The following ARB2A variants were observed in gnomAD, a reference collection of about 807,000 sequenced individuals.
The protein encoded by ARB2A is ARB2 cotranscriptional regulator A, also known as cotranscriptional regulator ARB2A.
At chr5:94,025,856 C>A in the ARB2A span, among the ~76,000 whole-genome samples, 1 of 152,186 alleles carries the variant, frequency 6.6e-6, no homozygotes, top group African/African-American at 2.4e-5. Flanking sequence ...AGGTACACCA[C>A]AGAAGATGCT....
At chr5:93,975,185 G>A in the ARB2A span, among the ~76,000 whole-genome samples, 2 of 151,532 alleles carry the variant, frequency 1.3e-5, no homozygotes, top group African/African-American at 2.4e-5. Flanking sequence ...GCATGGTAGC[G>A]AGCACCTTGT....
chr5:93,633,553 A>C, the ARB2A span, among the ~76,000 whole-genome samples: 1 of 152,216 alleles, frequency 6.6e-6, no homozygotes. Context: ...TTCCATTGAC[A>C]TTCCTTAAGC....
At chr5:93,754,937 AC>A in the ARB2A span, among the ~76,000 whole-genome samples, 1 of 152,224 alleles carries the variant, frequency 6.6e-6, no homozygotes, top group Non-Finnish European at 1.5e-5. Context: ...GGCCCAGAGA[AC>A]ATAGGAAAGC....
At chr5:93,872,299 G>C in the ARB2A span, among the ~76,000 whole-genome samples, 1 of 152,098 alleles carries the variant, frequency 6.6e-6, no homozygotes, top group Non-Finnish European at 1.5e-5. Flanking sequence ...CCTTATAAAA[G>C]TCTAACAGAT....
the ARB2A span, among the ~76,000 whole-genome samples, chr5:93,809,934 G>A: frequency 2.6e-5 from 4 of 151,806 alleles, no homozygotes; most frequent in East Asian, 3.9e-4. Flanking sequence ...GAATATTATC[G>A]TCTAATATTT....
At chr5:93,920,789 G>T in the ARB2A span, among the ~76,000 whole-genome samples, 1 of 152,130 alleles carries the variant, frequency 6.6e-6, no homozygotes, top group East Asian at 1.9e-4. Flanking sequence ...CTGCAGTGCT[G>T]TAATAATTTC....
the ARB2A span, among the ~76,000 whole-genome samples, chr5:93,639,209 G>A: frequency 2.0e-5 from 3 of 152,010 alleles, no homozygotes; most frequent in South Asian, 2.1e-4. Context: ...AATGTCCTTC[G>A]GTTGCTGACT....
the ARB2A span, among the ~76,000 whole-genome samples, chr5:93,942,411 T>A: frequency 1.3e-5 from 2 of 152,258 alleles, no homozygotes; most frequent in African/African-American, 4.8e-5. Context: ...ATTAGTGATC[T>A]TGGTTTCAAC....
the ARB2A span, chr5:93,781,854 T>TA: frequency 1.0e-6 from 1 of 984,588 alleles, no homozygotes; most frequent in South Asian, 4.7e-5. Flanking sequence ...TAAACATACT[T>TA]ACAAAACAAA....
the ARB2A span, chr5:93,865,587 C>T: frequency 1.7e-5 from 17 of 985,306 alleles, no homozygotes; most frequent in Admixed American, 6.1e-5. Flanking sequence ...AAAAAGCATA[C>T]GGAAACAATT....
the ARB2A span, among the ~76,000 whole-genome samples, chr5:93,985,740 G>A: frequency 6.6e-6 from 1 of 152,296 alleles, no homozygotes; most frequent in African/African-American, 2.4e-5. Flanking sequence ...TGTTGCCCAG[G>A]CTGGAGTGCA....
At chr5:93,683,047 T>C in the ARB2A span, 1 of 1,562,168 alleles carries the variant, frequency 6.4e-7, no homozygotes, top group Non-Finnish European at 8.7e-7. Context: ...TGAAGGATTC[T>C]TGTCCTTTTG....
the ARB2A span, among the ~76,000 whole-genome samples, chr5:94,100,689 A>G: frequency 6.6e-6 from 1 of 152,224 alleles, no homozygotes; most frequent in African/African-American, 2.4e-5. Context: ...CCAAGGGGAA[A>G]AGACTCCCTA....
chr5:93,622,128 T>C, the ARB2A span, among the ~76,000 whole-genome samples: 5 of 152,362 alleles, frequency 3.3e-5, no homozygotes, highest in South Asian at 1.0e-3. Context: ...TGACTCCCTG[T>C]GATGGCTTAT....
chr5:94,018,303 C>T, the ARB2A span, among the ~76,000 whole-genome samples: 2 of 152,160 alleles, frequency 1.3e-5, no homozygotes, highest in Non-Finnish European at 2.9e-5. Context: ...CTTACAAATG[C>T]CTTTTTCTTG....
the ARB2A span, chr5:94,055,928 A>G: frequency 2.0e-6 from 2 of 984,764 alleles, no homozygotes; most frequent in Non-Finnish European, 2.4e-6. Flanking sequence ...TTACATCTAT[A>G]TATCACTTTA....
chr5:94,017,159 AG>A, the ARB2A span, among the ~76,000 whole-genome samples: 1 of 152,228 alleles, frequency 6.6e-6, no homozygotes, highest in African/African-American at 2.4e-5. Flanking sequence ...GAATGGCCGG[AG>A]TCAATTTGTC....
the ARB2A span, among the ~76,000 whole-genome samples, chr5:93,905,237 C>T: frequency 1.3e-5 from 2 of 151,572 alleles, no homozygotes; most frequent in Admixed American, 1.3e-4. Flanking sequence ...ATGGCTCCAT[C>T]ATTTAAAATA....
At chr5:93,909,327 C>T in the ARB2A span, among the ~76,000 whole-genome samples, 4 of 150,398 alleles carry the variant, frequency 2.7e-5, no homozygotes, top group Non-Finnish European at 6.0e-5. Flanking sequence ...GTAATAGCAC[C>T]GCTGAATAAA....
Sources: gnomAD v4.1 joint callset for allele counts (sites outside exome capture counted in the v4.1 genomes callset) on GRCh38, gnomAD v4.1.1 for gene constraint, MANE v1.5 for transcripts, NCBI Gene and HGNC (gene_info 2026-07-23, HGNC 2026-07-21) for gene names.